MYH15: variants seen among roughly 807,000 people sequenced by gnomAD.
The protein encoded by MYH15 is myosin heavy chain 15.
A neutral mutation model predicts 240.5 loss-of-function variants in MYH15; 227 were observed. The observed-to-expected ratio is 0.94, with a 90% CI of 0.85 to 1.05. The LOEUF is 1.05. Ranked by LOEUF, MYH15 falls within the 50% of genes least tolerant of loss-of-function variation. The probability of loss-of-function intolerance (pLI) is 0.00; values close to 1 mark genes in which losing one functional copy is unlikely to be tolerated. For synonymous variants in MYH15, 785 were observed against 796.7 expected, an observed-to-expected ratio of 0.99 and a Z score of 0.25; for missense variants, 2,217 against 2,247.5, an observed-to-expected ratio of 0.99 and a Z score of 0.27.
rs763564286 is a variant in MYH15, at chr3:108,463,063, T to C, written c.1864+48A>G. ...ATTTTTGCAAAAGCTGAGGCAGCCATGGGTTCCATTCTGAGGCTGAAAAAT... is the reference window on the plus strand; with the variant it reads ...ATTTTTGCAAAAGCTGAGGCAGCCACGGGTTCCATTCTGAGGCTGAAAAAT... On this transcript the variant is annotated intron_variant, in intron 16 of 40. Transcript: ENST00000693548. 8 of 1,559,808 alleles carry C rather than the reference T, an allele frequency of 5.1e-6. No individual in the cohort carries two copies. The African/African-American group carries it at 9.7e-5, about 19-fold the overall frequency.
At chr3:108,507,901 T>C (rs1220237846) in intron 1 of MYH15, among the ~76,000 whole-genome samples, 1 of 152,240 alleles carries the variant, frequency 6.6e-6, no homozygotes, top group Admixed American at 6.5e-5. Context: ...ACATTTTGTG[T>C]GTGTGTTTAA....
chr3:108,548,691 A>G, the MYH15 span, among the ~76,000 whole-genome samples: 1 of 152,150 alleles, frequency 6.6e-6, no homozygotes, highest in Middle Eastern at 3.2e-3. Flanking sequence ...ATAGTTCATA[A>G]CTATTTGAAG....
intron 38 of MYH15, among the ~76,000 whole-genome samples, chr3:108,387,024 A>C (rs577849401): frequency 6.6e-6 from 1 of 152,274 alleles, no homozygotes; most frequent in South Asian, 2.1e-4. Context: ...ACAAGTTTCC[A>C]AATGCTAAGG....
In MYH15 at chr3:108,507,264, T is replaced by TATGA. The variant is rs1553773651; in HGVS notation, c.89-1436_89-1435insTCAT. Among the ~76,000 whole-genome samples the TATGA allele has an allele frequency of 3.5e-4, 40 of 115,332 alleles. 1 individual carries two copies. The highest frequency in any genetic ancestry group is 5.2e-4 in the South Asian group (2 of 3,826). 75.7% of individuals were successfully genotyped at this position (115,332 alleles called of 152,430 possible). Reference sequence around the variant, plus strand: ...ATATATATATATATATATATATATATATATATATATATACACATATGAAAA... The same window carrying TATGA: ...ATATATATATATATATATATATATATATGAATATATATATATACACATATGAAAA... On this transcript the variant is annotated intron_variant, in intron 1 of 40. Transcript: ENST00000693548.
intron 6 of MYH15, among the ~76,000 whole-genome samples, chr3:108,497,322 C>A (rs1321561174): frequency 2.0e-5 from 3 of 151,882 alleles, no homozygotes; most frequent in Admixed American, 1.3e-4. Flanking sequence ...CAGCAAACAT[C>A]CAGTATCGAA....
At chr3:108,465,245 A>T (rs2083104899) in intron 14 of MYH15, among the ~76,000 whole-genome samples, 1 of 152,212 alleles carries the variant, frequency 6.6e-6, no homozygotes, top group Non-Finnish European at 1.5e-5. Flanking sequence ...AATGAGAACA[A>T]CAAGCTGAGA....
At chr3:108,483,711 G>A (rs924025395) in intron 11 of MYH15, among the ~76,000 whole-genome samples, 1 of 152,186 alleles carries the variant, frequency 6.6e-6, no homozygotes, top group African/African-American at 2.4e-5. Flanking sequence ...ATAGACTGAT[G>A]AAAAGATAAG....
chr3:108,483,322 C>A (rs867782252), intron 11 of MYH15, among the ~76,000 whole-genome samples: 2 of 150,230 alleles, frequency 1.3e-5, no homozygotes, highest in Non-Finnish European at 3.0e-5. Context: ...GGCCGATAAG[C>A]ACATAAAAAG....
intron 11 of MYH15, among the ~76,000 whole-genome samples, chr3:108,478,181 G>T (rs943330290): frequency 5.3e-5 from 8 of 152,052 alleles, no homozygotes; most frequent in Admixed American, 4.6e-4. Context: ...GCTCTATCTC[G>T]TCTGTATTAG....
At position 108,383,718 on chromosome 3, in the gene MYH15, G is replaced by T. The variant is rs1209003190; in HGVS notation, c.5643C>A (p.Ala1881=). ...KQQVEVAETQ[A]NQYLSKYKKQ... is the part of the protein sequence containing the mutation. Reference sequence around the variant, plus strand: ...TCTTATACTTGGAAAGGTATTGATTGGCTTGTGTTTCCTATAAAAATAAAA... The same window carrying T: ...TCTTATACTTGGAAAGGTATTGATTTGCTTGTGTTTCCTATAAAAATAAAA... The change falls in exon 40 of 41, where the codon GCC becomes GCA. Residue 1881 remains alanine, a synonymous_variant. Coordinates refer to ENST00000693548, the MANE Select transcript of MYH15 (RefSeq NM_014981.3). 4 of 1,554,496 alleles carry T rather than the reference G, an allele frequency of 2.6e-6. No homozygotes were observed. In the African/African-American group the frequency reaches 4.4e-5, roughly 17 times the overall value.
At position 108,444,637 on chromosome 3, in the gene MYH15, C is replaced by T; in HGVS notation, c.2655+3G>A. ...TTAAAGAACAAATGGTGGGGCTACT[C>T]ACAGCCTGAAGCTGAAGAATCAGGT... On this transcript the variant is annotated splice_donor_region_variant and intron_variant, in intron 22 of 40. Coordinates refer to ENST00000693548, the MANE Select transcript of MYH15 (RefSeq NM_014981.3). 6.2e-7 allele frequency: 1 copy of T among 1,613,728 alleles called. No individual in the cohort carries two copies. Among genetic ancestry groups the T allele is most frequent in the African/African-American group, 1.3e-5 (1 of 75,016 alleles).
chr3:108,510,327 C>T, intron 1 of MYH15, 116 bp downstream of exon 1: 2 of 1,384,504 alleles, frequency 1.4e-6, no homozygotes, highest in Non-Finnish European at 1.9e-6. Flanking sequence ...CTGATCATAC[C>T]CTAAGCAAAT....
chr3:108,459,746 T>C (rs1008665500), intron 17 of MYH15, among the ~76,000 whole-genome samples: 3 of 152,094 alleles, frequency 2.0e-5, no homozygotes, highest in Admixed American at 2.0e-4. Flanking sequence ...AAAAAAGAAA[T>C]TGTTTCTCAA....
At chr3:108,470,955 G>T in intron 12 of MYH15, 108 bp from the exon 13 acceptor site, 1 of 984,230 alleles carries the variant, frequency 1.0e-6, no homozygotes, top group Admixed American at 2.4e-5. Context: ...TGTCTTTATT[G>T]ACCTTCTGTG....
intron 32 of MYH15, 139 bp from the exon 33 acceptor site, chr3:108,405,592 T>C (rs2082540647): frequency 4.8e-6 from 2 of 419,990 alleles, no homozygotes; most frequent in East Asian, 7.1e-5. Context: ...TCCCTAGAGA[T>C]TGCAACACAG....
In MYH15 at chr3:108,419,258, G is replaced by A. The variant is rs77834454; in HGVS notation, c.3829+1830C>T. Among the ~76,000 whole-genome samples, 1,185 of 152,264 alleles carry A rather than the reference G, an allele frequency of 7.8e-3. 12 individuals carry two copies. Among genetic ancestry groups the A allele is most frequent in the African/African-American group, 0.022 (925 of 41,548 alleles). Reference sequence around the variant, plus strand: ...CAAAAACAAATAAACAATCTGGAACGTGGACCCAGTGAGGGGAGGATAGGC... The same window carrying A: ...CAAAAACAAATAAACAATCTGGAACATGGACCCAGTGAGGGGAGGATAGGC... On this transcript the variant is annotated intron_variant, in intron 28 of 40. Coordinates refer to ENST00000693548, the MANE Select transcript of MYH15 (RefSeq NM_014981.3).
chr3:108,544,028 T>C, the MYH15 span, among the ~76,000 whole-genome samples: 4 of 150,842 alleles, frequency 2.7e-5, no homozygotes, highest in Admixed American at 2.6e-4. Flanking sequence ...TGATCCATAC[T>C]TCAACTGTAT....
intron 1 of MYH15, 35 bp from the exon 2 acceptor site, chr3:108,505,864 C>A: frequency 7.5e-7 from 1 of 1,342,056 alleles, no homozygotes; most frequent in Non-Finnish European, 1.1e-6. Flanking sequence ...TGGATTATAG[C>A]TATAGTACTT....
At chr3:108,472,896 C>T (rs577141112) in intron 12 of MYH15, among the ~76,000 whole-genome samples, 16 of 152,252 alleles carry the variant, frequency 1.1e-4, no homozygotes, top group African/African-American at 3.6e-4. Flanking sequence ...GTTAAATGCA[C>T]CCATTTCTTA....
Sources: gnomAD v4.1 joint callset for allele counts (sites outside exome capture counted in the v4.1 genomes callset) on GRCh38, gnomAD v4.1.1 for gene constraint, MANE v1.5 for transcripts, NCBI Gene and HGNC (gene_info 2026-07-23, HGNC 2026-07-21) for gene names.